KSR2: variants seen among roughly 807,000 people sequenced by gnomAD.
KSR2 encodes the protein kinase suppressor of ras 2.
A neutral mutation model predicts 107.8 loss-of-function variants in KSR2; 25 were observed. That is an observed-to-expected ratio of 0.23 (90% CI 0.17 to 0.32). The LOEUF is 0.32. KSR2 is among the 10% of genes least tolerant of loss of function. KSR2 has a pLI of 1.00. For missense variants in KSR2, 887 were observed against 1,268.9 expected (o/e 0.70, Z 4.57); for synonymous variants, 480 against 507.0 (o/e 0.95, Z 0.71).
intron 3 of KSR2, among the ~76,000 whole-genome samples, chr12:117,794,584 T>C (rs867343983): frequency 4.4e-4 from 42 of 96,510 alleles, no homozygotes; most frequent in East Asian, 1.3e-3. Context: ...CACACATACA[T>C]CAACATGCAC....
chr12:117,559,037 T>A (rs74597893), intron 7 of KSR2, among the ~76,000 whole-genome samples: 1 of 112,168 alleles, frequency 8.9e-6, no homozygotes, highest in African/African-American at 3.4e-5. Context: ...GATGGATGGA[T>A]GGAAGGATGG....
chr12:117,859,139 CTTTT>C (rs34697963), intron 2 of KSR2, among the ~76,000 whole-genome samples: 5 of 81,128 alleles, frequency 6.2e-5, no homozygotes, highest in Admixed American at 1.6e-4. Context: ...ATGAGCTGAA[CTTTT>C]TTTTTTTTTT....
At chr12:117,709,998 G>C (rs1886693501) in intron 4 of KSR2, among the ~76,000 whole-genome samples, 1 of 152,214 alleles carries the variant, frequency 6.6e-6, no homozygotes, top group South Asian at 2.1e-4. Context: ...CTAACAAAGA[G>C]GGTCATGGAG....
chr12:117,839,801 T>C (rs1292420886), intron 3 of KSR2, among the ~76,000 whole-genome samples: 2 of 152,158 alleles, frequency 1.3e-5, no homozygotes, highest in African/African-American at 4.8e-5. Flanking sequence ...GGTGAATCAG[T>C]GAGAAAACCA....
chr12:117,505,985 C>T (rs1873655642), intron 14 of KSR2, among the ~76,000 whole-genome samples: 1 of 152,176 alleles, frequency 6.6e-6, no homozygotes, highest in African/African-American at 2.4e-5. Context: ...TCCTATCTTC[C>T]CCATGGCTGA....
At chr12:117,826,767 C>T (rs1322843091) in intron 3 of KSR2, among the ~76,000 whole-genome samples, 2 of 151,882 alleles carry the variant, frequency 1.3e-5, no homozygotes, top group African/African-American at 2.4e-5. Context: ...ATGAGGGCTC[C>T]GGTTTTCCTG....
chr12:117,835,053 AG>A (rs1332171079), intron 3 of KSR2, among the ~76,000 whole-genome samples: 3 of 152,198 alleles, frequency 2.0e-5, no homozygotes, highest in Non-Finnish European at 4.4e-5. Context: ...CCAGGGAAAA[AG>A]GGGCTTATGG....
intron 5 of KSR2, among the ~76,000 whole-genome samples, chr12:117,633,071 G>T (rs1435558495): frequency 6.6e-6 from 1 of 152,168 alleles, no homozygotes; most frequent in African/African-American, 2.4e-5. Context: ...AGGTACAATT[G>T]TTAAAAAGCT....
chr12:117,673,086 C>G (rs1884980572), intron 4 of KSR2, among the ~76,000 whole-genome samples: 1 of 152,170 alleles, frequency 6.6e-6, no homozygotes, highest in South Asian at 2.1e-4. Flanking sequence ...GCAAGAAGAA[C>G]CAAGTCTGAC....
intron 5 of KSR2, among the ~76,000 whole-genome samples, chr12:117,605,093 AAAG>A (rs1881153121): frequency 6.6e-6 from 1 of 152,168 alleles, no homozygotes; most frequent in South Asian, 2.1e-4. Context: ...GGCTTTTTCT[AAAG>A]AAGAGATGGA....
At chr12:117,530,917 G>A (rs750371483) in intron 12 of KSR2, 24 bp downstream of exon 12, 1 of 1,608,018 alleles carries the variant, frequency 6.2e-7, no homozygotes, top group Non-Finnish European at 8.5e-7. Context: ...TGGGAAAGGG[G>A]GAAGATGTCT....
chr12:117,667,163 C>T (rs1884691940), intron 5 of KSR2, among the ~76,000 whole-genome samples: 2 of 152,174 alleles, frequency 1.3e-5, no homozygotes, highest in Admixed American at 6.5e-5. Flanking sequence ...TCCCTGAATG[C>T]CTGCTTGCTT....
At chr12:117,695,963 ACAGC>A (rs1886040301) in intron 4 of KSR2, among the ~76,000 whole-genome samples, 1 of 152,192 alleles carries the variant, frequency 6.6e-6, no homozygotes, top group African/African-American at 2.4e-5. Flanking sequence ...GTGAAAGCTG[ACAGC>A]CAGCACAGTG....
chr12:117,500,953 G>T (rs975700963), intron 14 of KSR2, among the ~76,000 whole-genome samples: 2 of 152,262 alleles, frequency 1.3e-5, no homozygotes, highest in Non-Finnish European at 2.9e-5. Flanking sequence ...TCAAGGGTTT[G>T]CAGAGTGTAG....
At chr12:117,700,342 A>G (rs892495742) in intron 4 of KSR2, among the ~76,000 whole-genome samples, 5 of 152,156 alleles carry the variant, frequency 3.3e-5, no homozygotes, top group Non-Finnish European at 5.9e-5. Flanking sequence ...CCTGGAGCCC[A>G]CAGACTCAAC....
intron 12 of KSR2, 37 bp from the exon 13 acceptor site, chr12:117,527,156 AAAAGGCAGGTCT>A (rs1592957838): frequency 3.4e-6 from 5 of 1,492,508 alleles, no homozygotes; most frequent in Non-Finnish European, 4.7e-6. Context: ...TCCCTAGGTG[AAAAGGCAGGTCT>A]ATATATTGAG....
At chr12:117,637,999 T>C (rs1883191217) in intron 5 of KSR2, among the ~76,000 whole-genome samples, 1 of 152,184 alleles carries the variant, frequency 6.6e-6, no homozygotes, top group African/African-American at 2.4e-5. Flanking sequence ...TGGTGGCCTA[T>C]TCATAGAATG....
intron 3 of KSR2, among the ~76,000 whole-genome samples, chr12:117,784,577 A>G (rs1230292113): frequency 1.3e-5 from 2 of 152,092 alleles, no homozygotes; most frequent in African/African-American, 4.8e-5. Flanking sequence ...TCTCCCATCT[A>G]GTGGTCCCCA....
chr12:117,627,317 A>G (rs1485607461), intron 5 of KSR2, among the ~76,000 whole-genome samples: 1 of 152,098 alleles, frequency 6.6e-6, no homozygotes, highest in African/African-American at 2.4e-5. Context: ...ATAATTTGGC[A>G]TGTTTTTGCA....
Sources: gnomAD v4.1 joint callset for allele counts (sites outside exome capture counted in the v4.1 genomes callset) on GRCh38, gnomAD v4.1.1 for gene constraint, MANE v1.5 for transcripts, NCBI Gene and HGNC (gene_info 2026-07-23, HGNC 2026-07-21) for gene names.